Variants in MRPL18 observed in about 807,000 individuals in gnomAD.
MRPL18 encodes mitochondrial ribosomal protein L18, also known as large ribosomal subunit protein uL18m.
A neutral mutation model predicts 20.9 loss-of-function variants in MRPL18; 16 were observed. The ratio of observed to expected loss-of-function variants is 0.76; its 90% CI spans 0.52 to 1.16. The LOEUF (loss-of-function observed/expected upper bound fraction) is 1.16, where lower values mean the gene tolerates loss of function less well. MRPL18 is among the 50% of genes most tolerant of loss of function. MRPL18 has a pLI of 0.00. For synonymous variants in MRPL18, 91 were observed against 87.1 expected (o/e 1.04, Z -0.25); for missense variants, 233 against 230.6 (o/e 1.01, Z -0.07).
intron 2 of MRPL18, among the ~76,000 whole-genome samples, chr6:159,794,097 T>G (rs2115008784): frequency 6.6e-6 from 1 of 152,350 alleles, no homozygotes; most frequent in South Asian, 2.1e-4. Context: ...ACGTATGTTA[T>G]AAAATCCAAA....
intron 2 of MRPL18, among the ~76,000 whole-genome samples, chr6:159,796,499 C>T (rs1364283573): frequency 6.6e-6 from 1 of 151,294 alleles, no homozygotes; most frequent in Non-Finnish European, 1.5e-5. Context: ...AAAAAATGGC[C>T]ATATGAAGCT....
intron 2 of MRPL18, among the ~76,000 whole-genome samples, chr6:159,795,679 T>G (rs902468361): frequency 2.6e-5 from 4 of 152,248 alleles, no homozygotes; most frequent in Non-Finnish European, 5.9e-5. Context: ...CAATCTGATC[T>G]CTTGCTTTTC....
chr6:159,797,457 T>C lies in MRPL18; in HGVS notation c.410T>C (p.Leu137Ser). 6.2e-7 allele frequency: 1 copy of C among 1,614,182 alleles called. No homozygotes were observed. Among genetic ancestry groups the C allele is most frequent in the Non-Finnish European group, 8.5e-7 (1 of 1,180,016 alleles). The part of the protein sequence containing the change: ...SIGRVLAQRC[L>S]EAGINFMVYQ... ...GGACGAGTGCTGGCACAGAGATGCT[T>C]AGAGGCGGGAATCAACTTCATGGTC... is the stretch of plus-strand genomic sequence containing the variant. Residue 137 changes from leucine to serine, a missense_variant, in exon 3 of 4, where the codon TTA (leucine) becomes TCA (serine). Leu to Ser is a moderately radical substitution (Grantham distance 145). Transcript: ENST00000367034.
intron 1 of MRPL18, 96 bp from the exon 2 acceptor site, chr6:159,790,844 G>C (rs1780863335): frequency 6.7e-7 from 1 of 1,499,168 alleles, no homozygotes; most frequent in Non-Finnish European, 9.0e-7. Flanking sequence ...CGGGCCTAAA[G>C]ATTGGGGGTG....
intron 1 of MRPL18, 111 bp downstream of exon 1, chr6:159,790,750 C>T: frequency 6.8e-7 from 1 of 1,477,342 alleles, no homozygotes; most frequent in Non-Finnish European, 9.3e-7. Context: ...ATAGAGCTCG[C>T]GGCACTGCGA....
chr6:159,793,375 TA>T (rs58471961), intron 2 of MRPL18, among the ~76,000 whole-genome samples: 25 of 150,350 alleles, frequency 1.7e-4, no homozygotes, highest in South Asian at 1.5e-3. Context: ...TTTTTTAAGT[TA>T]AAAAAAAAAT....
At chr6:159,790,891 G>A in intron 1 of MRPL18, 49 bp from the exon 2 acceptor site, 2 of 1,606,726 alleles carry the variant, frequency 1.2e-6, no homozygotes, top group African/African-American at 1.3e-5. Flanking sequence ...TTCGTGCGCT[G>A]TCCATATCCG....
chr6:159,790,893 C>G lies in MRPL18; in HGVS notation c.53-47C>G, dbSNP rs781098439. 7 of 1,607,496 alleles carry G rather than the reference C, an allele frequency of 4.4e-6. No individual in the cohort carries two copies. The African/African-American group carries it at 8.0e-5, about 18-fold the overall frequency. ...ACGTTAGAGCGGGTTCGTGCGCTGT[C>G]CATATCCGTCATTTTTAAGCCCTGT... is the stretch of plus-strand genomic sequence containing the variant. On this transcript the variant is annotated intron_variant, in intron 1 of 3. Transcript: ENST00000367034.
At chr6:159,792,503 A>T (rs1286097519) in intron 2 of MRPL18, among the ~76,000 whole-genome samples, 4 of 152,222 alleles carry the variant, frequency 2.6e-5, no homozygotes, top group Non-Finnish European at 5.9e-5. Context: ...AATGGGGATA[A>T]TGATGTGTTA....
Position 159,791,146 on chromosome 6 carries a change from A to G in MRPL18, c.239+20A>G. 5 of 1,613,726 alleles carry G rather than the reference A, an allele frequency of 3.1e-6. No homozygotes were observed. The highest frequency in any genetic ancestry group is 4.2e-6 in the Non-Finnish European group (5 of 1,179,768). ...GCACAGGTAATTAAATCTGCTTGTGATTGACAAGGGCAGTGCACCCTACAG... is the reference window on the plus strand; with the variant it reads ...GCACAGGTAATTAAATCTGCTTGTGGTTGACAAGGGCAGTGCACCCTACAG... On this transcript the variant is annotated intron_variant, in intron 2 of 3. Transcript: ENST00000367034.
chr6:159,795,033 G>A (rs1780995065), intron 2 of MRPL18, among the ~76,000 whole-genome samples: 1 of 152,212 alleles, frequency 6.6e-6, no homozygotes, highest in South Asian at 2.1e-4. Context: ...AGAATCAAGT[G>A]CTGTGCTTTT....
chr6:159,790,898 T>A (rs377758564), intron 1 of MRPL18, 42 bp from the exon 2 acceptor site: 7 of 1,610,156 alleles, frequency 4.3e-6, no homozygotes, highest in Non-Finnish European at 5.9e-6. Context: ...GCTGTCCATA[T>A]CCGTCATTTT....
chr6:159,790,190 C>T (rs1216638816), upstream of MRPL18: 6 of 283,834 alleles, frequency 2.1e-5, no homozygotes, highest in South Asian at 1.0e-4. Context: ...TGCCTTATTC[C>T]TACGCGGTGC....
Position 159,790,520 on chromosome 6 carries a change from GCTC to G in MRPL18, c.-65_-63del, listed in dbSNP as rs983827949. The stretch of plus-strand genomic sequence containing the variant: ...GGCTTGTCCCTGACTTTATATGGCT[GCTC>G]CTGGCGAGCGACTGAGTCGTCCGTG... On this transcript the variant is annotated 5_prime_UTR_variant, in exon 1 of 4. Coordinates refer to ENST00000367034, the MANE Select transcript of MRPL18 (RefSeq NM_014161.5). 21 of 1,607,064 alleles carry G rather than the reference GCTC, an allele frequency of 1.3e-5. No individual in the cohort carries two copies. The African/African-American group carries it at 2.8e-4, about 21-fold the overall frequency.
At chr6:159,797,682 A>G (rs932903595) in intron 3 of MRPL18, among the ~76,000 whole-genome samples, 164 bp downstream of exon 3, 1 of 152,212 alleles carries the variant, frequency 6.6e-6, no homozygotes, top group South Asian at 2.1e-4. Flanking sequence ...ACATCAGTCC[A>G]TAGGGTAGGG....
intron 2 of MRPL18, among the ~76,000 whole-genome samples, chr6:159,791,711 C>G (rs1780905179): frequency 6.6e-6 from 1 of 152,090 alleles, no homozygotes; most frequent in Admixed American, 6.5e-5. Context: ...TTGAGACCAA[C>G]CTGGCCAACA....
At chr6:159,790,117 C>G (rs1418590046), upstream of MRPL18, 1 of 188,214 alleles carries the variant, frequency 5.3e-6, no homozygotes, top group African/African-American at 2.3e-5. Context: ...GCGGGCCATA[C>G]GGGAAAATTT....
In MRPL18 at chr6:159,790,516, G is replaced by T. The variant is rs1262698951; in HGVS notation, c.-72G>T. 1 of 1,604,254 alleles carries T rather than the reference G, an allele frequency of 6.2e-7. No individual in the cohort carries two copies. Among genetic ancestry groups the T allele is most frequent in the Non-Finnish European group, 8.5e-7 (1 of 1,171,646 alleles). ...CAAAGGCTTGTCCCTGACTTTATAT[G>T]GCTGCTCCTGGCGAGCGACTGAGTC... On this transcript the variant is annotated 5_prime_UTR_variant, in exon 1 of 4. The change abolishes an upstream ATG in the 5' untranslated region. Transcript: ENST00000367034.
At chr6:159,792,772 G>A (rs1029475196) in intron 2 of MRPL18, among the ~76,000 whole-genome samples, 1 of 152,106 alleles carries the variant, frequency 6.6e-6, no homozygotes, top group Non-Finnish European at 1.5e-5. Context: ...TGAGTGGCTG[G>A]GACTAGAGGC....
Sources: gnomAD v4.1 joint callset for allele counts (sites outside exome capture counted in the v4.1 genomes callset) on GRCh38, gnomAD v4.1.1 for gene constraint, MANE v1.5 for transcripts, NCBI Gene and HGNC (gene_info 2026-07-23, HGNC 2026-07-21) for gene names.